Variants in EFNA5 observed in about 807,000 individuals in gnomAD.
The protein encoded by EFNA5 is ephrin A5, also known as ephrin-A5.
Under a neutral mutation model 22.9 loss-of-function variants are expected in EFNA5, and 5 were observed. The ratio of observed to expected loss-of-function variants is 0.22; its 90% CI spans 0.11 to 0.46. The LOEUF (loss-of-function observed/expected upper bound fraction) is 0.46. Ranked by LOEUF, EFNA5 falls within the 20% of genes least tolerant of loss-of-function variation. The pLI is 0.99. For missense variants in EFNA5, 237 were observed against 293.3 expected, an observed-to-expected ratio of 0.81 and a Z score of 1.40; for synonymous variants, 113 against 112.2, an observed-to-expected ratio of 1.01 and a Z score of -0.04.
intron 1 of EFNA5, among the ~76,000 whole-genome samples, chr5:107,646,523 A>G (rs1750636652): frequency 6.6e-6 from 1 of 152,168 alleles, no homozygotes; most frequent in African/African-American, 2.4e-5. Flanking sequence ...AGGTGAGATA[A>G]ATATTACTGA....
rs1485798748 is a variant in EFNA5 at position 107,439,794 on chromosome 5, A to G, written c.126-12285T>C. On this transcript the variant is annotated intron_variant, in intron 1 of 4. Coordinates refer to ENST00000333274, the MANE Select transcript of EFNA5 (RefSeq NM_001962.3). The stretch of plus-strand genomic sequence containing the variant: ...AGCAAAGGCTTTTGCCCAGAGATAG[A>G]ATGAAGGGTGTTACAGAAAAGTCAC... Among the ~76,000 whole-genome samples, 3 of 152,338 alleles carry G rather than the reference A, an allele frequency of 2.0e-5. No homozygotes were observed. In the South Asian group the frequency reaches 6.2e-4, roughly 32 times the overall value.
chr5:107,485,220 A>C (rs532260856), intron 1 of EFNA5, among the ~76,000 whole-genome samples: 79 of 152,318 alleles, frequency 5.2e-4, no homozygotes, highest in African/African-American at 1.9e-3. Context: ...TTCTAGCCAG[A>C]CTTCAACTTG....
chr5:107,427,137 C>A (rs749815574), intron 2 of EFNA5, 80 bp downstream of exon 2: 5 of 1,486,476 alleles, frequency 3.4e-6, no homozygotes, highest in Non-Finnish European at 4.7e-6. Flanking sequence ...CAGCTCTCTG[C>A]AATTCTCTGA....
intron 4 of EFNA5, 24 bp downstream of exon 4, chr5:107,387,211 A>T: frequency 6.5e-7 from 1 of 1,527,398 alleles, no homozygotes; most frequent in South Asian, 1.2e-5. Flanking sequence ...CATTTGTTAA[A>T]AGAGATTCTC....
At chr5:107,592,755 G>A (rs910831545) in intron 1 of EFNA5, among the ~76,000 whole-genome samples, 24 of 152,200 alleles carry the variant, frequency 1.6e-4, no homozygotes, top group Non-Finnish European at 3.1e-4. Flanking sequence ...GCTTGCAGTG[G>A]AGCTGTACAC....
chr5:107,542,066 C>T (rs1165771847), intron 1 of EFNA5, among the ~76,000 whole-genome samples: 1 of 152,142 alleles, frequency 6.6e-6, no homozygotes, highest in Admixed American at 6.5e-5. Context: ...CAAATCACGA[C>T]ATTTTGTTAA....
chr5:107,657,855 C>G (rs1055785377), intron 1 of EFNA5, among the ~76,000 whole-genome samples: 1 of 151,850 alleles, frequency 6.6e-6, no homozygotes, highest in African/African-American at 2.4e-5. Flanking sequence ...GAGTGAAGAT[C>G]AGTAAAAACA....
At chr5:107,565,115 C>A in intron 1 of EFNA5, among the ~76,000 whole-genome samples, 1 of 152,152 alleles carries the variant, frequency 6.6e-6, no homozygotes, top group East Asian at 1.9e-4. Flanking sequence ...ATACAATACT[C>A]TCCTTTCCAC....
At chr5:107,526,012 T>C (rs1747689951) in intron 1 of EFNA5, among the ~76,000 whole-genome samples, 1 of 152,190 alleles carries the variant, frequency 6.6e-6, no homozygotes, top group Admixed American at 6.6e-5. Flanking sequence ...ATATTTATGA[T>C]GGATACGGGA....
intron 3 of EFNA5, 77 bp downstream of exon 3, chr5:107,387,629 T>A: frequency 9.5e-7 from 1 of 1,057,952 alleles, no homozygotes; most frequent in South Asian, 1.5e-5. Flanking sequence ...AAAAAAAGTT[T>A]TACCGCCGTG....
chr5:107,665,619 T>C (rs926156615), intron 1 of EFNA5, among the ~76,000 whole-genome samples: 4 of 152,220 alleles, frequency 2.6e-5, no homozygotes, highest in Non-Finnish European at 5.9e-5. Context: ...TTAGACTGTA[T>C]AGCCAAATCT....
chr5:107,637,512 G>GTC (rs1554070628), intron 1 of EFNA5, among the ~76,000 whole-genome samples: 35 of 150,888 alleles, frequency 2.3e-4, no homozygotes, highest in African/African-American at 8.3e-4. Context: ...GTGTGTGTGT[G>GTC]TGTGTCTGTG....
At chr5:107,540,229 T>C (rs1175931071) in intron 1 of EFNA5, among the ~76,000 whole-genome samples, 2 of 152,108 alleles carry the variant, frequency 1.3e-5, no homozygotes, top group Admixed American at 1.3e-4. Context: ...TACATAATTA[T>C]GCCCATAACT....
chr5:107,458,624 TA>T lies in EFNA5; in HGVS notation c.126-31116del, dbSNP rs892061584. On this transcript the variant is annotated intron_variant, in intron 1 of 4. Coordinates refer to ENST00000333274, the MANE Select transcript of EFNA5 (RefSeq NM_001962.3). The stretch of plus-strand genomic sequence containing the variant: ...GCAGTTATAAACTAGTACATCATTA[TA>T]AAAAAAAATTGTGATACAGAAAACA... Among the ~76,000 whole-genome samples, 11 of 151,658 alleles carry T rather than the reference TA, an allele frequency of 7.3e-5. No homozygotes were observed. In the South Asian group the frequency reaches 1.2e-3, roughly 17 times the overall value.
chr5:107,431,683 A>C (rs989623288), intron 1 of EFNA5, among the ~76,000 whole-genome samples: 4 of 152,184 alleles, frequency 2.6e-5, no homozygotes, highest in Non-Finnish European at 5.9e-5. Context: ...GCTAGAGCCA[A>C]GTCCTTAGGT....
chr5:107,402,147 G>C (rs3797516), intron 2 of EFNA5, among the ~76,000 whole-genome samples: 21,606 of 152,208 alleles, frequency 0.14, 2,038 homozygotes, highest in East Asian at 0.31. Context: ...GGGTGTATGT[G>C]TGTGTAGGAG....
chr5:107,556,785 T>TATATA (rs1748429416), intron 1 of EFNA5, among the ~76,000 whole-genome samples: 1 of 141,678 alleles, frequency 7.1e-6, no homozygotes, highest in Admixed American at 7.0e-5. Context: ...AATAAATAAA[T>TATATA]AAATAAAATA....
At chr5:107,515,366 TTATTATTATTA>T (rs1747455206) in intron 1 of EFNA5, among the ~76,000 whole-genome samples, 3 of 46,604 alleles carry the variant, frequency 6.4e-5, no homozygotes, top group African/African-American at 2.5e-4. Context: ...TTTTATTTTA[TTATTATTATTA>T]TTATTATTAT....
intron 1 of EFNA5, among the ~76,000 whole-genome samples, chr5:107,600,617 G>C (rs1231429978): frequency 2.0e-5 from 3 of 151,828 alleles, no homozygotes; most frequent in Admixed American, 6.6e-5. Context: ...CTCCCGAGTA[G>C]CTGGGATTAC....
Sources: allele counts gnomAD v4.1 joint callset (sites outside exome capture counted in the v4.1 genomes callset), GRCh38; gene constraint gnomAD v4.1.1; transcripts MANE v1.5; gene names NCBI Gene and HGNC (gene_info 2026-07-23, HGNC 2026-07-21).